Variants in ZFAT observed in about 807,000 individuals in gnomAD.
ZFAT encodes the protein zinc finger protein ZFAT.
ZFAT carries 64 observed loss-of-function variants against 117.7 expected under a neutral mutation model. The ratio of observed to expected loss-of-function variants is 0.54; its 90% confidence interval spans 0.44 to 0.67. The LOEUF (loss-of-function observed/expected upper bound fraction) is 0.67, where lower values mean the gene tolerates loss of function less well. ZFAT is among the 30% of genes least tolerant of loss of function. The pLI, the probability that ZFAT is intolerant of heterozygous loss-of-function variation, is 0.00. For synonymous variants in ZFAT, 679 were observed against 615.0 expected, an observed-to-expected ratio of 1.10 and a Z score of -1.54; for missense variants, 1,433 against 1,584.5, an observed-to-expected ratio of 0.90 and a Z score of 1.62.
At chr8:134,685,642 G>A (rs912394951) in intron 1 of ZFAT, among the ~76,000 whole-genome samples, 45 of 152,220 alleles carry the variant, frequency 3.0e-4, no homozygotes, top group African/African-American at 1.1e-3. Context: ...CAGAACCAGG[G>A]AACAGCAGAC....
chr8:134,825,434 A>G, the ZFAT span, among the ~76,000 whole-genome samples: 1 of 152,256 alleles, frequency 6.6e-6, no homozygotes, highest in Non-Finnish European at 1.5e-5. Flanking sequence ...CATCTGCTTT[A>G]TAATTAACAG....
intron 15 of ZFAT, among the ~76,000 whole-genome samples, chr8:134,491,748 G>A (rs182358612): frequency 3.9e-5 from 6 of 152,272 alleles, no homozygotes; most frequent in Admixed American, 3.9e-4. Context: ...TGATCACACT[G>A]AGCCCATGTG....
intron 5 of ZFAT, among the ~76,000 whole-genome samples, chr8:134,604,489 G>A (rs1014681044): frequency 7.9e-5 from 12 of 152,180 alleles, no homozygotes; most frequent in Admixed American, 3.9e-4. Context: ...ACCACAATAG[G>A]CACCAGGGAC....
intron 11 of ZFAT, among the ~76,000 whole-genome samples, chr8:134,546,656 A>G (rs868186889): frequency 6.6e-5 from 10 of 152,162 alleles, no homozygotes; most frequent in Non-Finnish European, 7.4e-5. Flanking sequence ...CTTCTGAGAA[A>G]TATTTCCCAC....
the ZFAT span, among the ~76,000 whole-genome samples, chr8:134,790,299 A>G: frequency 2.0e-5 from 3 of 152,218 alleles, no homozygotes; most frequent in Non-Finnish European, 4.4e-5. Flanking sequence ...TTGTTAAAGT[A>G]ATAGAATTCT....
intron 11 of ZFAT, among the ~76,000 whole-genome samples, chr8:134,536,391 G>C (rs958995821): frequency 2.6e-5 from 4 of 152,162 alleles, no homozygotes; most frequent in African/African-American, 9.7e-5. Flanking sequence ...GAGTTAGGAA[G>C]ATAAATCTCC....
At chr8:134,560,378 T>C (rs1823964503) in intron 11 of ZFAT, among the ~76,000 whole-genome samples, 1 of 152,212 alleles carries the variant, frequency 6.6e-6, no homozygotes, top group South Asian at 2.1e-4. Flanking sequence ...ATGATATATA[T>C]ATAAGGTTAG....
chr8:134,657,987 CTT>C (rs1831712317), intron 1 of ZFAT, among the ~76,000 whole-genome samples: 1 of 152,198 alleles, frequency 6.6e-6, no homozygotes, highest in South Asian at 2.1e-4. Flanking sequence ...TACAAACCTT[CTT>C]GTTACCCAAA....
chr8:134,655,712 G>A (rs1011873235), intron 2 of ZFAT, among the ~76,000 whole-genome samples: 2 of 152,164 alleles, frequency 1.3e-5, no homozygotes, highest in Non-Finnish European at 2.9e-5. Flanking sequence ...TTAGAAAGAA[G>A]AGAATCTTAA....
intron 1 of ZFAT, among the ~76,000 whole-genome samples, chr8:134,664,374 G>A (rs1477863467): frequency 6.6e-6 from 1 of 152,206 alleles, no homozygotes; most frequent in African/African-American, 2.4e-5. Flanking sequence ...GAGCCCACGA[G>A]ACCACAAAAC....
the ZFAT span, among the ~76,000 whole-genome samples, chr8:134,787,263 C>A: frequency 6.6e-6 from 1 of 152,158 alleles, no homozygotes; most frequent in Non-Finnish European, 1.5e-5. Context: ...TAAATAGTTG[C>A]CTACCCCAAA....
chr8:134,656,268 C>T (rs988608900), intron 2 of ZFAT, among the ~76,000 whole-genome samples: 2 of 152,134 alleles, frequency 1.3e-5, no homozygotes, highest in Non-Finnish European at 2.9e-5. Context: ...CTGGTTGAGA[C>T]GCAATTACAC....
At chr8:134,606,625 A>G (rs1827905252) in intron 5 of ZFAT, among the ~76,000 whole-genome samples, 1 of 151,724 alleles carries the variant, frequency 6.6e-6, no homozygotes, top group Non-Finnish European at 1.5e-5. Context: ...CTGAGGCAAG[A>G]GAATAGGCAA....
intron 12 of ZFAT, among the ~76,000 whole-genome samples, chr8:134,532,042 A>G (rs1244697356): frequency 6.6e-6 from 1 of 152,236 alleles, no homozygotes; most frequent in Non-Finnish European, 1.5e-5. Flanking sequence ...TAGCTGAAGT[A>G]TTGAAGTGTA....
chr8:134,599,957 G>A (rs1827280213), intron 7 of ZFAT: 1 of 377,902 alleles, frequency 2.6e-6, no homozygotes, highest in Non-Finnish European at 5.1e-6. Context: ...CTCTCCCAGA[G>A]ACTAAAATAA....
chr8:134,687,037 C>A (rs1363346797), intron 1 of ZFAT, among the ~76,000 whole-genome samples: 1 of 152,142 alleles, frequency 6.6e-6, no homozygotes, highest in Non-Finnish European at 1.5e-5. Context: ...GCAGACCCAC[C>A]AGCACCCACC....
At chr8:134,685,189 T>A (rs968824066) in intron 1 of ZFAT, among the ~76,000 whole-genome samples, 2 of 152,006 alleles carry the variant, frequency 1.3e-5, no homozygotes, top group African/African-American at 4.8e-5. Flanking sequence ...ATCCCCTTTT[T>A]ACAGAGGAGA....
intron 11 of ZFAT, among the ~76,000 whole-genome samples, chr8:134,553,446 C>T (rs1368697721): frequency 1.3e-5 from 2 of 152,102 alleles, no homozygotes; most frequent in African/African-American, 2.4e-5. Context: ...GAAGTTTCAG[C>T]GAGCCGAGAT....
At chr8:134,678,573 TA>T (rs1348028826) in intron 1 of ZFAT, among the ~76,000 whole-genome samples, 1 of 152,142 alleles carries the variant, frequency 6.6e-6, no homozygotes, top group Non-Finnish European at 1.5e-5. Context: ...CACAGAATTG[TA>T]AAAAACTACT....
Sources: allele counts gnomAD v4.1 joint callset (sites outside exome capture counted in the v4.1 genomes callset), GRCh38; gene constraint gnomAD v4.1.1; transcripts MANE v1.5; gene names NCBI Gene and HGNC (gene_info 2026-07-23, HGNC 2026-07-21).